The following NRXN3 variants were observed in gnomAD, a reference collection of about 807,000 sequenced individuals.
NRXN3 encodes neurexin III.
Under a neutral mutation model 137.6 loss-of-function variants are expected in NRXN3, and 32 were observed. That is an observed-to-expected ratio of 0.23 (90% CI 0.18 to 0.31). The LOEUF (loss-of-function observed/expected upper bound fraction) is 0.31, where lower values mean the gene tolerates loss of function less well. Among genes scored for constraint, NRXN3 ranks in the 10% least tolerant of loss-of-function variants. NRXN3 has a pLI of 1.00. For missense variants in NRXN3, 1,574 were observed against 2,062.5 expected, an observed-to-expected ratio of 0.76 and a Z score of 4.59; for synonymous variants, 798 against 784.5, an observed-to-expected ratio of 1.02 and a Z score of -0.29.
At chr14:78,765,345 G>A (rs1478229357) in intron 8 of NRXN3, among the ~76,000 whole-genome samples, 1 of 152,086 alleles carries the variant, frequency 6.6e-6, no homozygotes, top group Non-Finnish European at 1.5e-5. Context: ...TAGACATGGG[G>A]TTTCTCCATG....
In NRXN3 at chr14:78,913,274, C is replaced by CTTTCTTTCTTT. The variant is rs1225280841; in HGVS notation, c.2276-43965_2276-43964insCTTTCTTTTTT. On this transcript the variant is annotated intron_variant, in intron 10 of 20. Coordinates refer to ENST00000335750, the MANE Select transcript of NRXN3 (RefSeq NM_001330195.2). ...TCTTTCTTTCTTTCTTTCTTTCTTT[C>CTTTCTTTCTTT]TTTTTTTTTTTTTTTTTTTTTTTTG... Among the ~76,000 whole-genome samples the CTTTCTTTCTTT allele has an allele frequency of 3.6e-4, 17 of 47,856 alleles. No homozygotes were observed. The East Asian group carries it at 7.8e-3, about 22-fold the overall frequency. 31.4% of individuals were successfully genotyped at this position (47,856 alleles called of 152,430 possible). A position where few individuals can be genotyped will look rare whatever the true frequency, so the allele number is the denominator to read the frequency against.
chr14:78,210,685 C>A (rs114600994), intron 1 of NRXN3, among the ~76,000 whole-genome samples: 42 of 151,856 alleles, frequency 2.8e-4, no homozygotes, highest in Non-Finnish European at 5.0e-4. Flanking sequence ...CTGTCCCCAC[C>A]CCTGGCCCCA....
chr14:79,033,811 C>T (rs1418888963), intron 15 of NRXN3, among the ~76,000 whole-genome samples: 1 of 152,018 alleles, frequency 6.6e-6, no homozygotes, highest in African/African-American at 2.4e-5. Flanking sequence ...TTGTGAGAGA[C>T]ACAATGAGGC....
At chr14:78,631,139 C>T (rs2097518650) in intron 4 of NRXN3, among the ~76,000 whole-genome samples, 2 of 152,180 alleles carry the variant, frequency 1.3e-5, no homozygotes, top group Non-Finnish European at 2.9e-5. Context: ...GCCTGTAAAT[C>T]AGAGAATCAG....
chr14:78,589,934 G>GCGACAAGAGTGAAA (rs1397089218), intron 4 of NRXN3, among the ~76,000 whole-genome samples: 1 of 152,160 alleles, frequency 6.6e-6, no homozygotes, highest in East Asian at 1.9e-4. Flanking sequence ...TCCAGCCTGG[G>GCGACAAGAGTGAAA]CGACAAGAGT....
At chr14:78,649,858 C>T (rs887506352) in intron 5 of NRXN3, among the ~76,000 whole-genome samples, 13 of 152,066 alleles carry the variant, frequency 8.5e-5, no homozygotes, top group Non-Finnish European at 1.2e-4. Context: ...ACTCCCCTAC[C>T]GTGGCCAAAA....
intron 4 of NRXN3, among the ~76,000 whole-genome samples, chr14:78,301,188 TG>T (rs1191711969): frequency 2.0e-5 from 3 of 152,146 alleles, no homozygotes; most frequent in African/African-American, 7.2e-5. Flanking sequence ...CTTTTTTTCC[TG>T]TGTTGTTTTT....
At chr14:79,399,741 C>A (rs530193829) in intron 15 of NRXN3, among the ~76,000 whole-genome samples, 1 of 152,094 alleles carries the variant, frequency 6.6e-6, no homozygotes, top group East Asian at 1.9e-4. Context: ...GCTAGGTTTG[C>A]CCTGACAAAT....
rs996378097 is a variant in NRXN3, at chr14:79,827,078, A to C, written c.4093+21888A>C. Reference sequence around the variant, plus strand: ...ATTTACTGTGTGCTAAGCACTGAGGATGCAAGAGTAAGCAAGAACAGAGAT... The same window carrying C: ...ATTTACTGTGTGCTAAGCACTGAGGCTGCAAGAGTAAGCAAGAACAGAGAT... On this transcript the variant is annotated intron_variant, in intron 20 of 20. Coordinates refer to ENST00000335750, the MANE Select transcript of NRXN3 (RefSeq NM_001330195.2). Among the ~76,000 whole-genome samples the C allele has an allele frequency of 3.3e-5, 5 of 152,216 alleles. 1 individual carries two copies. The highest frequency in any genetic ancestry group is 7.3e-5 in the Non-Finnish European group (5 of 68,038).
At chr14:79,490,805 A>G (rs2096709621) in intron 16 of NRXN3, among the ~76,000 whole-genome samples, 1 of 152,176 alleles carries the variant, frequency 6.6e-6, no homozygotes, top group African/African-American at 2.4e-5. Context: ...ATTTTAAAGT[A>G]AAGAGTATAA....
chr14:79,710,350 T>TA (rs148941662), intron 19 of NRXN3, among the ~76,000 whole-genome samples: 2,369 of 151,662 alleles, frequency 0.016, 48 homozygotes, highest in South Asian at 0.075. Flanking sequence ...AGGGCTACTT[T>TA]AAAAAAAAAT....
intron 4 of NRXN3, among the ~76,000 whole-genome samples, chr14:78,300,274 C>T (rs768641773): frequency 1.3e-5 from 2 of 152,204 alleles, no homozygotes; most frequent in African/African-American, 2.4e-5. Flanking sequence ...CCTAGCTTCT[C>T]CGAGATGTCC....
intron 20 of NRXN3, among the ~76,000 whole-genome samples, chr14:79,838,606 C>T (rs1247884356): frequency 6.6e-6 from 1 of 152,136 alleles, no homozygotes; most frequent in Non-Finnish European, 1.5e-5. Flanking sequence ...TTGAAAATGA[C>T]TGTAGTCTGG....
chr14:78,392,410 C>T (rs1017947359), intron 4 of NRXN3, among the ~76,000 whole-genome samples: 15 of 152,278 alleles, frequency 9.9e-5, no homozygotes, highest in African/African-American at 3.6e-4. Context: ...GAATTCTATC[C>T]TGTGATATTT....
chr14:78,900,639 TATC>T (rs1461263289), intron 10 of NRXN3, among the ~76,000 whole-genome samples: 1 of 151,966 alleles, frequency 6.6e-6, no homozygotes, highest in Non-Finnish European at 1.5e-5. Context: ...AAAATAGTAT[TATC>T]AATGTTTTCA....
intron 17 of NRXN3, among the ~76,000 whole-genome samples, chr14:79,689,720 A>T (rs551230242): frequency 1.3e-5 from 2 of 152,212 alleles, no homozygotes; most frequent in East Asian, 3.9e-4. Flanking sequence ...TAACATAGTT[A>T]TCTCTTTTTC....
chr14:79,485,375 A>T (rs1567253524), intron 16 of NRXN3, among the ~76,000 whole-genome samples: 1 of 151,856 alleles, frequency 6.6e-6, no homozygotes, highest in South Asian at 2.1e-4. Context: ...TTTCAGCTAA[A>T]TTTTTTTCTT....
intron 15 of NRXN3, among the ~76,000 whole-genome samples, chr14:79,464,019 G>A (rs967012075): frequency 9.9e-5 from 15 of 152,006 alleles, no homozygotes; most frequent in African/African-American, 3.1e-4. Context: ...AAATTAACAC[G>A]AAGTATGTAT....
At chr14:79,093,101 A>G (rs988365210) in intron 15 of NRXN3, among the ~76,000 whole-genome samples, 2 of 152,194 alleles carry the variant, frequency 1.3e-5, no homozygotes, top group South Asian at 4.1e-4. Context: ...AAACAATAAC[A>G]TACAGTCCAT....
Sources: gnomAD v4.1 joint callset for allele counts (sites outside exome capture counted in the v4.1 genomes callset) on GRCh38, gnomAD v4.1.1 for gene constraint, MANE v1.5 for transcripts, NCBI Gene and HGNC (gene_info 2026-07-23, HGNC 2026-07-21) for gene names.